Variants in SHPRH observed in about 807,000 individuals in gnomAD.
The protein encoded by SHPRH is SNF2 histone linker PHD RING helicase.
In SHPRH, 106 loss-of-function variants were observed where a neutral mutation model predicts 202.5. That is an observed-to-expected ratio of 0.52 (90% CI 0.45 to 0.62). The LOEUF (loss-of-function observed/expected upper bound fraction) is 0.62, where lower values mean the gene tolerates loss of function less well. Ranked by LOEUF, SHPRH falls within the 20% of genes least tolerant of loss-of-function variation. SHPRH has a pLI of 0.00. For missense variants in SHPRH, 1,710 were observed against 2,020.0 expected, an observed-to-expected ratio of 0.85 and a Z score of 2.94; for synonymous variants, 729 against 686.0, an observed-to-expected ratio of 1.06 and a Z score of -0.98.
At chr6:145,859,180 A>G in the SHPRH span, among the ~76,000 whole-genome samples, 1 of 152,052 alleles carries the variant, frequency 6.6e-6, no homozygotes, top group Non-Finnish European at 1.5e-5. Context: ...TGTCTAACCA[A>G]TTTTGAAGAA....
At chr6:145,960,750 T>C (rs1271997327) in intron 1 of SHPRH, among the ~76,000 whole-genome samples, 3 of 152,196 alleles carry the variant, frequency 2.0e-5, no homozygotes, top group Admixed American at 6.5e-5. Flanking sequence ...TTGGCCTGTA[T>C]TCCATAAATG....
chr6:145,894,105 T>C lies in SHPRH; in HGVS notation c.4695+45A>G, dbSNP rs553404443. The stretch of plus-strand genomic sequence containing the variant: ...AAGCTAGTTAACAGCAGTTTAAATT[T>C]GCAACTGTATCCACTACAAAAACCG... On this transcript the variant is annotated intron_variant, in intron 27 of 29. Coordinates refer to ENST00000275233, the MANE Select transcript of SHPRH (RefSeq NM_001042683.3). The C allele has an allele frequency of 3.4e-6, 5 of 1,449,818 alleles. No homozygotes were observed. In the East Asian group the frequency reaches 7.1e-5, roughly 21 times the overall value. The allele number at this position is 1,449,818 out of a possible 1,614,324, so 89.8% of individuals were successfully genotyped here. A position where few individuals can be genotyped will look rare whatever the true frequency, so the allele number is the denominator to read the frequency against.
At chr6:145,883,391 A>T (rs1353656275), downstream of SHPRH, 6 of 152,260 alleles carry the variant, frequency 3.9e-5, no homozygotes, top group Non-Finnish European at 7.3e-5. Flanking sequence ...AAGGCTGGAG[A>T]TGGCAACTTT....
rs148557740 is a variant in SHPRH, at chr6:145,887,298, T to G, written c.4956-511A>C. Among the ~76,000 whole-genome samples, 10 of 152,264 alleles carry G rather than the reference T, an allele frequency of 6.6e-5. No individual in the cohort carries two copies. In the East Asian group the frequency reaches 1.7e-3, roughly 26 times the overall value. ...AATTTCTAGTTTCAAATTGCTTCTTTGCTATGTGACAATCCCTTCTAAGGC... is the reference window on the plus strand; with the variant it reads ...AATTTCTAGTTTCAAATTGCTTCTTGGCTATGTGACAATCCCTTCTAAGGC... On this transcript the variant is annotated intron_variant, in intron 29 of 29. Coordinates refer to ENST00000275233, the MANE Select transcript of SHPRH (RefSeq NM_001042683.3).
chr6:145,927,350 T>G (rs986822865), intron 14 of SHPRH, 73 bp from the exon 15 acceptor site: 1 of 1,246,390 alleles, frequency 8.0e-7, no homozygotes, highest in African/African-American at 1.5e-5. Context: ...AGTTGTCCAT[T>G]ATTTAAGAAT....
At chr6:145,937,073 T>G (rs1030090349) in intron 11 of SHPRH, among the ~76,000 whole-genome samples, 1 of 147,728 alleles carries the variant, frequency 6.8e-6, no homozygotes, top group Non-Finnish European at 1.5e-5. Flanking sequence ...AACTTCTGCC[T>G]CCCAGGTTCA....
At chr6:145,929,408 CATATA>C (rs1245027525) in intron 14 of SHPRH, among the ~76,000 whole-genome samples, 5 of 152,096 alleles carry the variant, frequency 3.3e-5, no homozygotes, top group African/African-American at 7.2e-5. Context: ...TATTTATTTA[CATATA>C]ATATAAGCAA....
chr6:145,881,220 TTTG>T (rs904442759), downstream of SHPRH, among the ~76,000 whole-genome samples: 7 of 152,216 alleles, frequency 4.6e-5, no homozygotes, highest in African/African-American at 1.7e-4. Context: ...ATTTAAATTC[TTTG>T]TTGTTGTTTG....
At chr6:145,899,138 C>A (rs1034808509) in intron 25 of SHPRH, among the ~76,000 whole-genome samples, 2 of 152,034 alleles carry the variant, frequency 1.3e-5, no homozygotes, top group African/African-American at 2.4e-5. Flanking sequence ...TTATAAATTA[C>A]CCAGCCTCAA....
At chr6:145,958,770 A>G (rs1171323011) in intron 1 of SHPRH, among the ~76,000 whole-genome samples, 1 of 152,190 alleles carries the variant, frequency 6.6e-6, no homozygotes, top group African/African-American at 2.4e-5. Flanking sequence ...TGGTTCCATA[A>G]GGGAGCTGAA....
the SHPRH span, among the ~76,000 whole-genome samples, chr6:145,858,323 GATGA>G: frequency 1.3e-5 from 2 of 151,990 alleles, no homozygotes; most frequent in African/African-American, 2.4e-5. Flanking sequence ...AACATCAACA[GATGA>G]ATGAATAAAT....
Position 145,943,550 on chromosome 6 carries a change from C to G in SHPRH, c.1831G>C (p.Asp611His), listed in dbSNP as rs752353237. The G allele has an allele frequency of 1.1e-5, 18 of 1,613,858 alleles. No homozygotes were observed. In the South Asian group the frequency reaches 1.8e-4, roughly 16 times the overall value. Reference sequence around the variant, plus strand: ...CATGTACTTTTAGACATAGCAACATCAGTTATTCCAGAGTCGCTAGTAGCT... The same window carrying G: ...CATGTACTTTTAGACATAGCAACATGAGTTATTCCAGAGTCGCTAGTAGCT... ...CPATSDSGIT[D>H]VAMSKSTCIS... Residue 611 changes from aspartate to histidine, a missense_variant, in exon 9 of 30, where the codon GAT becomes CAT. Transcript: ENST00000275233.
At position 145,943,341 on chromosome 6, in the gene SHPRH, A is replaced by T; in HGVS notation, c.2040T>A (p.Cys680Ter). ...DRKPRVQCLK[C>*]HLWQHAKCVN... ...CACACTTTGCATGTTGCCACAGGTG[A>T]CACTTCAGGCATTGAACACGAGGCT... The change falls in exon 9 of 30, where the codon TGT becomes TGA. Residue 680 changes from cysteine to a stop codon, truncating the protein, a stop_gained. Transcript: ENST00000275233. LOFTEE classifies it high-confidence loss of function. 6.2e-7 allele frequency: 1 copy of T among 1,613,928 alleles called. No homozygotes were observed. Among genetic ancestry groups the T allele is most frequent in the African/African-American group, 1.3e-5 (1 of 75,018 alleles).
In SHPRH at chr6:145,954,887, T is replaced by A. The variant is rs765149701; in HGVS notation, c.436A>T (p.Ser146Cys). ...RSITLMSSES[S>C]NQFLIYVHSK... The stretch of plus-strand genomic sequence containing the variant: ...TGAACATAAATCAGGAACTGATTGC[T>A]TGACTCTGAACTCATCAATGTAATA... The change falls in exon 2 of 30, where the codon AGC (serine) becomes TGC (cysteine). Residue 146 changes from serine (S) to cysteine (C), a missense_variant. Ser to Cys is a moderately radical substitution (Grantham distance 112). Transcript: ENST00000275233. 1 of 1,613,744 alleles carries A rather than the reference T, an allele frequency of 6.2e-7. No individual in the cohort carries two copies. The highest frequency in any genetic ancestry group is 8.5e-7 in the Non-Finnish European group (1 of 1,179,868).
chr6:145,897,989 A>C (rs568682145), intron 25 of SHPRH, among the ~76,000 whole-genome samples: 1 of 152,124 alleles, frequency 6.6e-6, no homozygotes, highest in South Asian at 2.1e-4. Context: ...CTGTTATTCA[A>C]CATAGTATTG....
intron 11 of SHPRH, among the ~76,000 whole-genome samples, chr6:145,937,042 G>A (rs150285489): frequency 7.7e-4 from 112 of 146,212 alleles, no homozygotes; most frequent in African/African-American, 2.2e-3. Flanking sequence ...GGAGGGCAAC[G>A]GTGCAATCTC....
rs1784630023 is a variant in SHPRH at position 145,923,795 on chromosome 6, A to G, written c.3403-10T>C. ...GAGAATTAGAATGAATCTGTAAAAA[A>G]GGTAGCAGTTAATCAATTAATACAT... On this transcript the variant is annotated splice_polypyrimidine_tract_variant and intron_variant, in intron 17 of 29. Transcript: ENST00000275233. The G allele has an allele frequency of 6.2e-7, 1 of 1,606,652 alleles. No individual in the cohort carries two copies. The highest frequency in any genetic ancestry group is 1.3e-5 in the African/African-American group (1 of 74,590).
chr6:145,933,080 A>G lies in SHPRH; in HGVS notation c.3089T>C (p.Leu1030Ser). The change falls in exon 14 of 30, where the codon TTA becomes TCA. Residue 1030 changes from leucine to serine, a missense_variant. By Grantham distance (145) the Leu-to-Ser change is moderately radical. Coordinates refer to ENST00000275233, the MANE Select transcript of SHPRH (RefSeq NM_001042683.3). Reference protein sequence around the residue: ...HRQLVCALNGLAGIHIIKGEY... With the variant: ...HRQLVCALNGSAGIHIIKGEY... Reference sequence around the variant, plus strand: ...ACCTTTAATAATATGAATGCCTGCTAAGCCATTGAGAGCACAAACTAGCTG... The same window carrying G: ...ACCTTTAATAATATGAATGCCTGCTGAGCCATTGAGAGCACAAACTAGCTG... 1 of 1,613,780 alleles carries G rather than the reference A, an allele frequency of 6.2e-7. No individual in the cohort carries two copies. The highest frequency in any genetic ancestry group is 8.5e-7 in the Non-Finnish European group (1 of 1,179,806).
intron 23 of SHPRH, chr6:145,917,537 C>G (rs1784063601): frequency 6.6e-6 from 1 of 152,064 alleles, no homozygotes; most frequent in Non-Finnish European, 1.5e-5. Context: ...CTTGCCCTAT[C>G]CAAATATTTA....
Sources: gnomAD v4.1 joint callset for allele counts (sites outside exome capture counted in the v4.1 genomes callset) on GRCh38, gnomAD v4.1.1 for gene constraint, MANE v1.5 for transcripts, NCBI Gene and HGNC (gene_info 2026-07-23, HGNC 2026-07-21) for gene names.